Variants in SYT1 observed in about 807,000 individuals in gnomAD.
SYT1 encodes synaptotagmin-1.
SYT1 carries 8 observed loss-of-function variants against 44.8 expected under a neutral mutation model. The ratio of observed to expected loss-of-function variants is 0.18; its 90% CI spans 0.10 to 0.32. The LOEUF is 0.32. SYT1 is among the 10% of genes least tolerant of loss of function. The pLI is 1.00. For synonymous variants in SYT1, 154 were observed against 188.8 expected, an observed-to-expected ratio of 0.82 and a Z score of 1.51; for missense variants, 286 against 509.3, an observed-to-expected ratio of 0.56 and a Z score of 4.22.
At chr12:78,981,620 C>A (rs1351018091) in intron 2 of SYT1, among the ~76,000 whole-genome samples, 1 of 152,054 alleles carries the variant, frequency 6.6e-6, no homozygotes, top group Non-Finnish European at 1.5e-5. Flanking sequence ...TGGATTAACT[C>A]CTTACTCTTT....
chr12:79,360,282 T>A (rs1883270079), intron 9 of SYT1, among the ~76,000 whole-genome samples: 1 of 152,160 alleles, frequency 6.6e-6, no homozygotes, highest in Admixed American at 6.5e-5. Context: ...ATTTCTTTCA[T>A]CAGTCCAGTA....
At chr12:78,875,142 G>A (rs980578768) in intron 1 of SYT1, among the ~76,000 whole-genome samples, 5 of 151,526 alleles carry the variant, frequency 3.3e-5, no homozygotes, top group East Asian at 1.9e-4. Context: ...CAGATTAAAC[G>A]TTATCAATTT....
At chr12:78,982,576 A>G (rs1245160207) in intron 2 of SYT1, among the ~76,000 whole-genome samples, 2 of 152,152 alleles carry the variant, frequency 1.3e-5, no homozygotes, top group African/African-American at 4.8e-5. Context: ...GAAATGGTCA[A>G]TGCCTGTGTT....
At chr12:79,169,112 T>C (rs1336219616) in intron 3 of SYT1, among the ~76,000 whole-genome samples, 1 of 152,050 alleles carries the variant, frequency 6.6e-6, no homozygotes, top group Non-Finnish European at 1.5e-5. Flanking sequence ...ATTTTCTCCA[T>C]TTGCAAATGT....
intron 4 of SYT1, among the ~76,000 whole-genome samples, chr12:79,226,366 T>C (rs1206251099): frequency 6.6e-6 from 1 of 152,192 alleles, no homozygotes; most frequent in Non-Finnish European, 1.5e-5. Flanking sequence ...AAAAATTATC[T>C]ATGAAACTCT....
chr12:79,351,113 T>A (rs1416140045), intron 8 of SYT1, among the ~76,000 whole-genome samples: 1 of 152,170 alleles, frequency 6.6e-6, no homozygotes, highest in East Asian at 1.9e-4. Flanking sequence ...CACTTTTCCA[T>A]ATTTTTCTTT....
chr12:79,064,967 A>AGAAAGAAG (rs1847978967), intron 3 of SYT1, among the ~76,000 whole-genome samples: 1 of 150,832 alleles, frequency 6.6e-6, no homozygotes, highest in Admixed American at 6.6e-5. Context: ...AAAGAAAGAA[A>AGAAAGAAG]GAAAGAAAGA....
chr12:79,037,313 C>T (rs1258032394), intron 2 of SYT1, among the ~76,000 whole-genome samples: 4 of 151,530 alleles, frequency 2.6e-5, no homozygotes, highest in Non-Finnish European at 5.9e-5. Flanking sequence ...ACTAGCTCTC[C>T]TGACTTAGTG....
At chr12:79,008,004 A>G (rs944348878) in intron 2 of SYT1, among the ~76,000 whole-genome samples, 2 of 152,114 alleles carry the variant, frequency 1.3e-5, no homozygotes, top group African/African-American at 4.8e-5. Flanking sequence ...CAAGGAACTT[A>G]TACTCTAGTG....
At chr12:78,877,735 C>A (rs1322824437) in intron 1 of SYT1, among the ~76,000 whole-genome samples, 1 of 151,602 alleles carries the variant, frequency 6.6e-6, no homozygotes, top group African/African-American at 2.4e-5. Context: ...AGCACATGAT[C>A]CTCCCAACTC....
intron 1 of SYT1, among the ~76,000 whole-genome samples, chr12:78,953,233 A>C (rs936958810): frequency 6.6e-6 from 1 of 151,966 alleles, no homozygotes; most frequent in Non-Finnish European, 1.5e-5. Flanking sequence ...AAAGGATGAG[A>C]ATAGGAATGA....
At chr12:79,218,036 C>A (rs1874922483) in intron 4 of SYT1, among the ~76,000 whole-genome samples, 1 of 151,962 alleles carries the variant, frequency 6.6e-6, no homozygotes, top group South Asian at 2.1e-4. Flanking sequence ...TATTTCATTG[C>A]AAAGATTGTT....
chr12:78,991,317 T>A (rs965529901), intron 2 of SYT1, among the ~76,000 whole-genome samples: 2 of 152,112 alleles, frequency 1.3e-5, no homozygotes, highest in African/African-American at 4.8e-5. Context: ...TAACCTATTA[T>A]AGAAACTCTT....
chr12:79,133,024 A>G (rs1228165662), intron 3 of SYT1, among the ~76,000 whole-genome samples: 1 of 152,184 alleles, frequency 6.6e-6, no homozygotes, highest in African/African-American at 2.4e-5. Flanking sequence ...TCTCACTCAT[A>G]TGTGGAAGCT....
chr12:79,115,130 G>A (rs1360142342), intron 3 of SYT1, among the ~76,000 whole-genome samples: 1 of 152,042 alleles, frequency 6.6e-6, no homozygotes, highest in African/African-American at 2.4e-5. Context: ...GCAGTAAAAA[G>A]CTTGTGTAGA....
chr12:79,204,292 T>C (rs981870090), intron 3 of SYT1, among the ~76,000 whole-genome samples: 7 of 152,250 alleles, frequency 4.6e-5, no homozygotes, highest in Non-Finnish European at 1.0e-4. Context: ...TTTTCCATCA[T>C]CCTATTTACC....
intron 3 of SYT1, among the ~76,000 whole-genome samples, chr12:79,146,004 G>A (rs948827753): frequency 2.6e-5 from 4 of 152,000 alleles, no homozygotes; most frequent in Non-Finnish European, 4.4e-5. Flanking sequence ...TGATCCGCCC[G>A]CCTCGGCCTC....
intron 1 of SYT1, among the ~76,000 whole-genome samples, chr12:78,888,413 C>T (rs1874864123): frequency 6.6e-6 from 1 of 151,706 alleles, no homozygotes. Flanking sequence ...CCAATGATAC[C>T]ACTCTGCTGA....
intron 8 of SYT1, among the ~76,000 whole-genome samples, chr12:79,309,268 A>G (rs1386212499): frequency 1.3e-5 from 2 of 152,214 alleles, no homozygotes; most frequent in Admixed American, 6.5e-5. Flanking sequence ...AAAGAGTCCA[A>G]TGTAGGATTT....
Sources: gnomAD v4.1 joint callset for allele counts (sites outside exome capture counted in the v4.1 genomes callset) on GRCh38, gnomAD v4.1.1 for gene constraint, MANE v1.5 for transcripts, NCBI Gene and HGNC (gene_info 2026-07-23, HGNC 2026-07-21) for gene names.